Variants in SYNDIG1 observed in about 807,000 individuals in gnomAD.
SYNDIG1 encodes the protein synapse differentiation-inducing gene protein 1.
Under a neutral mutation model 19.4 loss-of-function variants are expected in SYNDIG1, and 9 were observed. The observed-to-expected ratio is 0.46, with a 90% confidence interval of 0.28 to 0.81. SYNDIG1 has a LOEUF of 0.81. Among genes scored for constraint, SYNDIG1 ranks in the 30% least tolerant of loss-of-function variants. SYNDIG1 has a pLI of 0.12. For synonymous variants in SYNDIG1, 141 were observed against 145.9 expected, an observed-to-expected ratio of 0.97 and a Z score of 0.24; for missense variants, 311 against 343.3, an observed-to-expected ratio of 0.91 and a Z score of 0.74.
chr20:24,613,460 A>G (rs2058880417), intron 3 of SYNDIG1, among the ~76,000 whole-genome samples: 2 of 152,064 alleles, frequency 1.3e-5, no homozygotes, highest in South Asian at 2.1e-4. Context: ...AGACCTGCCC[A>G]TGGACCCCAG....
chr20:24,573,650 C>G (rs773902911), intron 2 of SYNDIG1, among the ~76,000 whole-genome samples: 1 of 152,248 alleles, frequency 6.6e-6, no homozygotes, highest in Non-Finnish European at 1.5e-5. Context: ...TTGGCCCACC[C>G]TGTCATTGAA....
chr20:24,516,794 T>G (rs2056876140), intron 1 of SYNDIG1, among the ~76,000 whole-genome samples: 1 of 152,174 alleles, frequency 6.6e-6, no homozygotes, highest in African/African-American at 2.4e-5. Context: ...GAAATACCAT[T>G]TGACCCAGCC....
chr20:24,658,475 C>G lies in SYNDIG1; in HGVS notation c.619-6871C>G, dbSNP rs1330047891. Among the ~76,000 whole-genome samples the G allele has an allele frequency of 6.6e-6, 1 of 152,126 alleles. No homozygotes were observed. Among genetic ancestry groups the G allele is most frequent in the Non-Finnish European group, 1.5e-5 (1 of 68,004 alleles). ...AGTGGACAGGCGCTCTGGCCGTACCCTGGGGGGTGAAAGCCCTTCCCCAGT... is the reference window on the plus strand; with the variant it reads ...AGTGGACAGGCGCTCTGGCCGTACCGTGGGGGGTGAAAGCCCTTCCCCAGT... On this transcript the variant is annotated intron_variant, in intron 3 of 3. Coordinates refer to ENST00000376862, the MANE Select transcript of SYNDIG1 (RefSeq NM_024893.3). This position sits in a 1 kb window ranked among gnomAD's most constrained non-coding sequence, Gnocchi z 4.4.
chr20:24,554,699 G>T (rs1186795359), intron 2 of SYNDIG1, among the ~76,000 whole-genome samples: 1 of 151,608 alleles, frequency 6.6e-6, no homozygotes, highest in African/African-American at 2.4e-5. Flanking sequence ...TGCTGGATTC[G>T]GTTTGCCAGT....
chr20:24,618,777 C>T (rs1235263391), intron 3 of SYNDIG1, among the ~76,000 whole-genome samples: 1 of 152,020 alleles, frequency 6.6e-6, no homozygotes, highest in Non-Finnish European at 1.5e-5. Context: ...TTATTTTTTT[C>T]TCTCTTACCT....
At chr20:24,571,388 A>G (rs2058140555) in intron 2 of SYNDIG1, among the ~76,000 whole-genome samples, 2 of 152,154 alleles carry the variant, frequency 1.3e-5, no homozygotes, top group Non-Finnish European at 2.9e-5. Context: ...GGTATATGGG[A>G]ACTCTCTGTT....
At chr20:24,605,893 T>C (rs1600727953) in intron 3 of SYNDIG1, among the ~76,000 whole-genome samples, 1 of 152,350 alleles carries the variant, frequency 6.6e-6, no homozygotes, top group East Asian at 1.9e-4. Flanking sequence ...GACTTAGGGC[T>C]CACCTCCAAT....
At chr20:24,492,082 C>G (rs747425890) in intron 1 of SYNDIG1, among the ~76,000 whole-genome samples, 1 of 152,226 alleles carries the variant, frequency 6.6e-6, no homozygotes, top group Non-Finnish European at 1.5e-5. Context: ...AAGAGGCCCC[C>G]GGCCGGCTCC....
intron 3 of SYNDIG1, among the ~76,000 whole-genome samples, chr20:24,628,106 C>T (rs372897290): frequency 5.1e-4 from 78 of 152,332 alleles, no homozygotes; most frequent in African/African-American, 1.6e-3. Flanking sequence ...GCTGTGAGTA[C>T]GGCTCGCTCT....
chr20:24,530,813 T>G (rs1051944599), intron 1 of SYNDIG1, among the ~76,000 whole-genome samples: 9 of 148,516 alleles, frequency 6.1e-5, no homozygotes, highest in East Asian at 1.9e-4. Flanking sequence ...GGTTTTTTGT[T>G]TTTTTTTTTT....
At position 24,598,435 on chromosome 20, in the gene SYNDIG1, T is replaced by G. The variant is rs527576279; in HGVS notation, c.618+13442T>G. ...TGTTTCACAGAAAGTTTACAGTGAG[T>G]TTTATTTCATCTTCAAGAGAATCCT... On this transcript the variant is annotated intron_variant, in intron 3 of 3. Transcript: ENST00000376862. Among the ~76,000 whole-genome samples, 56 of 152,350 alleles carry G rather than the reference T, an allele frequency of 3.7e-4. 1 individual carries two copies. In the South Asian group the frequency reaches 0.011, roughly 30 times the overall value.
At chr20:24,626,117 C>T (rs1284308541) in intron 3 of SYNDIG1, among the ~76,000 whole-genome samples, 32 of 120,894 alleles carry the variant, frequency 2.6e-4, no homozygotes, top group South Asian at 1.1e-3. Flanking sequence ...TAGGGGCAGC[C>T]GGGCAGAGGT....
intron 3 of SYNDIG1, among the ~76,000 whole-genome samples, chr20:24,661,257 G>C (rs2059582420): frequency 6.6e-6 from 1 of 150,850 alleles, no homozygotes; most frequent in Non-Finnish European, 1.5e-5. Flanking sequence ...GGAGCTTCCA[G>C]CTGGACCTTC....
At chr20:24,538,640 C>T (rs556428972) in intron 1 of SYNDIG1, among the ~76,000 whole-genome samples, 19 of 152,228 alleles carry the variant, frequency 1.2e-4, no homozygotes, top group African/African-American at 3.6e-4. Flanking sequence ...CTGGACCATA[C>T]GGTAATTCTA....
chr20:24,592,294 A>G (rs750121237), intron 3 of SYNDIG1, among the ~76,000 whole-genome samples: 2 of 152,218 alleles, frequency 1.3e-5, no homozygotes, highest in Admixed American at 6.5e-5. Flanking sequence ...ACACGACACC[A>G]TCATTGTTCC....
intron 1 of SYNDIG1, among the ~76,000 whole-genome samples, chr20:24,511,273 G>GT (rs1270618772): frequency 6.6e-6 from 1 of 152,124 alleles, no homozygotes; most frequent in East Asian, 1.9e-4. Flanking sequence ...GCAGTACCAG[G>GT]TACCCCTCGG....
At chr20:24,517,130 A>G (rs2056884986) in intron 1 of SYNDIG1, among the ~76,000 whole-genome samples, 1 of 152,070 alleles carries the variant, frequency 6.6e-6, no homozygotes, top group Non-Finnish European at 1.5e-5. Context: ...GAAGGGGAAC[A>G]TCACACACTG....
At chr20:24,476,803 C>T (rs562102206) in intron 1 of SYNDIG1, among the ~76,000 whole-genome samples, 1 of 152,128 alleles carries the variant, frequency 6.6e-6, no homozygotes, top group Non-Finnish European at 1.5e-5. Context: ...TGGTAAGGAC[C>T]CTGCAGCCTG....
At chr20:24,572,372 C>T (rs927340012) in intron 2 of SYNDIG1, among the ~76,000 whole-genome samples, 1 of 152,212 alleles carries the variant, frequency 6.6e-6, no homozygotes, top group African/African-American at 2.4e-5. Flanking sequence ...GCGGGAGGCT[C>T]CTGGAATCAC....
Sources: gnomAD v4.1 joint callset for allele counts (sites outside exome capture counted in the v4.1 genomes callset) on GRCh38, gnomAD v4.1.1 for gene constraint, Gnocchi (gnomAD v3.1) non-coding constraint, MANE v1.5 for transcripts, NCBI Gene and HGNC (gene_info 2026-07-23, HGNC 2026-07-21) for gene names.